The following CDH4 variants were observed in gnomAD, a reference collection of about 807,000 sequenced individuals.
The protein encoded by CDH4 is cadherin 4.
Under a neutral mutation model 86.0 loss-of-function variants are expected in CDH4, and 33 were observed. The observed-to-expected ratio is 0.38, with a 90% CI of 0.29 to 0.51. The LOEUF (loss-of-function observed/expected upper bound fraction) is 0.51, where lower values mean the gene tolerates loss of function less well. Among genes scored for constraint, CDH4 ranks in the 20% least tolerant of loss-of-function variants. CDH4 has a pLI of 0.86. For synonymous variants in CDH4, 555 were observed against 549.4 expected (o/e 1.01, Z -0.14); for missense variants, 1,114 against 1,307.4 (o/e 0.85, Z 2.28).
At chr20:61,263,447 G>A (rs901988882) in intron 2 of CDH4, among the ~76,000 whole-genome samples, 5 of 152,160 alleles carry the variant, frequency 3.3e-5, no homozygotes, top group Admixed American at 6.5e-5. Flanking sequence ...AGGAAGGAGG[G>A]GAGGAGCTGT....
intron 4 of CDH4, among the ~76,000 whole-genome samples, chr20:61,799,190 G>C (rs1483001590): frequency 6.6e-6 from 1 of 152,168 alleles, no homozygotes; most frequent in Non-Finnish European, 1.5e-5. Flanking sequence ...TAAGTAAACT[G>C]TCTTACTACC....
intron 2 of CDH4, chr20:61,740,425 C>T (rs999886845): frequency 6.6e-6 from 1 of 152,178 alleles, no homozygotes; most frequent in Non-Finnish European, 1.5e-5. Context: ...TTCATACATT[C>T]AGTGCTAATG....
intron 2 of CDH4, among the ~76,000 whole-genome samples, chr20:61,696,169 C>T (rs1346670818): frequency 6.6e-6 from 1 of 152,246 alleles, no homozygotes; most frequent in Non-Finnish European, 1.5e-5. Flanking sequence ...CCCTCCCACA[C>T]ATGCCTTGGT....
intron 2 of CDH4, among the ~76,000 whole-genome samples, chr20:61,598,639 C>T (rs1053512326): frequency 2.0e-5 from 3 of 152,196 alleles, no homozygotes; most frequent in African/African-American, 4.8e-5. Context: ...ACCTCCCACC[C>T]GACCCTGGGA....
chr20:61,613,851 TG>T (rs1239212996), intron 2 of CDH4, among the ~76,000 whole-genome samples: 3 of 130,758 alleles, frequency 2.3e-5, no homozygotes, highest in Non-Finnish European at 4.8e-5. Flanking sequence ...CTCAAATTGG[TG>T]GGAGGGGGGG....
chr20:61,821,944 G>A (rs1197458198), intron 4 of CDH4, among the ~76,000 whole-genome samples: 2 of 152,268 alleles, frequency 1.3e-5, no homozygotes, highest in Non-Finnish European at 2.9e-5. Context: ...TGTGTGGGGT[G>A]CAGACAGGAT....
At chr20:61,416,026 C>T (rs1420405695) in intron 2 of CDH4, among the ~76,000 whole-genome samples, 5 of 141,002 alleles carry the variant, frequency 3.5e-5, no homozygotes, top group Non-Finnish European at 7.7e-5. Context: ...TTTTTTTTTT[C>T]CCCGAAACAG....
At chr20:61,666,201 G>T (rs1443625329) in intron 2 of CDH4, among the ~76,000 whole-genome samples, 2 of 152,214 alleles carry the variant, frequency 1.3e-5, no homozygotes, top group African/African-American at 4.8e-5. Flanking sequence ...GCCAAAAAGT[G>T]GGGTGGCTGT....
chr20:61,533,685 A>G (rs1290679719), intron 2 of CDH4, among the ~76,000 whole-genome samples: 1 of 152,256 alleles, frequency 6.6e-6, no homozygotes, highest in East Asian at 1.9e-4. Flanking sequence ...ATGGTTGCAC[A>G]GGTGCCCCAT....
intron 6 of CDH4, among the ~76,000 whole-genome samples, chr20:61,864,880 C>T (rs1389858036): frequency 6.6e-6 from 1 of 152,212 alleles, no homozygotes; most frequent in East Asian, 1.9e-4. Context: ...CTGTGGTCCT[C>T]TCTGGGGCTG....
At chr20:61,917,114 C>T (rs1002630010) in intron 9 of CDH4, among the ~76,000 whole-genome samples, 9 of 152,230 alleles carry the variant, frequency 5.9e-5, no homozygotes, top group South Asian at 4.1e-4. Context: ...ACAGGCATCT[C>T]GGGCACGTCA....
intron 7 of CDH4, among the ~76,000 whole-genome samples, chr20:61,883,424 G>A (rs992348169): frequency 5.3e-5 from 8 of 152,280 alleles, no homozygotes; most frequent in South Asian, 2.1e-4. Context: ...GCTCGGTGGG[G>A]GGCACCACCA....
intron 2 of CDH4, among the ~76,000 whole-genome samples, chr20:61,422,487 T>C (rs2085185763): frequency 6.9e-6 from 1 of 145,506 alleles, no homozygotes; most frequent in Non-Finnish European, 1.5e-5. Flanking sequence ...CCCAAGTGTC[T>C]TCTTTAAGTA....
rs2084997626 is a variant in CDH4 at position 61,393,390 on chromosome 20, C to T, written c.169+138453C>T. 6.6e-6 allele frequency among the ~76,000 whole-genome samples: 1 copy of T among 152,126 alleles called. No individual in the cohort carries two copies. The highest frequency in any genetic ancestry group is 2.1e-4 in the South Asian group (1 of 4,822). On this transcript the variant is annotated intron_variant, in intron 2 of 15. Coordinates refer to ENST00000614565, the MANE Select transcript of CDH4 (RefSeq NM_001794.5). This position sits in a 1 kb window ranked among gnomAD's most constrained non-coding sequence, Gnocchi z 4.3. ...ACCTCCTAGCTTGTGTATGGATCAACAACCACCAGCCCCTCTGATGTCGAG... is the reference window on the plus strand; with the variant it reads ...ACCTCCTAGCTTGTGTATGGATCAATAACCACCAGCCCCTCTGATGTCGAG...
At chr20:61,363,628 A>G (rs143195661) in intron 2 of CDH4, among the ~76,000 whole-genome samples, 45 of 152,288 alleles carry the variant, frequency 3.0e-4, no homozygotes, top group Non-Finnish European at 4.0e-4. Context: ...GGTGTCAAGG[A>G]GGAGTTAGTG....
At chr20:61,746,891 C>T (rs528199126) in intron 3 of CDH4, among the ~76,000 whole-genome samples, 14 of 152,288 alleles carry the variant, frequency 9.2e-5, no homozygotes, top group East Asian at 3.9e-4. Context: ...CACTGTGGGA[C>T]GCTGGGCCAC....
chr20:61,877,032 A>G (rs1396273449), intron 7 of CDH4, among the ~76,000 whole-genome samples: 1 of 151,738 alleles, frequency 6.6e-6, no homozygotes, highest in African/African-American at 2.4e-5. Flanking sequence ...GGAGCCCACG[A>G]CCCCCTGGGG....
At chr20:61,849,559 G>C (rs577139747) in intron 5 of CDH4, among the ~76,000 whole-genome samples, 12 of 152,266 alleles carry the variant, frequency 7.9e-5, no homozygotes, top group African/African-American at 2.6e-4. Flanking sequence ...CACCGGCCTG[G>C]GTGCTCCCCC....
Position 61,619,294 on chromosome 20 carries a change from C to T in CDH4, c.170-124269C>T, listed in dbSNP as rs538725424. Among the ~76,000 whole-genome samples, 327 of 152,326 alleles carry T rather than the reference C, an allele frequency of 2.1e-3. 1 individual carries two copies. The highest frequency in any genetic ancestry group is 4.1e-3 in the Non-Finnish European group (278 of 68,034). On this transcript the variant is annotated intron_variant, in intron 2 of 15. Coordinates refer to ENST00000614565, the MANE Select transcript of CDH4 (RefSeq NM_001794.5). ...CCCTCCCGCCTCTCTTCCACCTCCG[C>T]GTGCCCCCCACTCCTTCACCTCTGT...
Sources: allele counts gnomAD v4.1 joint callset (sites outside exome capture counted in the v4.1 genomes callset), GRCh38; gene constraint gnomAD v4.1.1; non-coding constraint Gnocchi (gnomAD v3.1); transcripts MANE v1.5; gene names NCBI Gene and HGNC (gene_info 2026-07-23, HGNC 2026-07-21).